Variants in LUZP2 observed in about 807,000 individuals in gnomAD.
LUZP2 encodes leucine zipper protein 2.
LUZP2 carries 52 observed loss-of-function variants against 51.6 expected under a neutral mutation model. That is an observed-to-expected ratio of 1.01 (90% CI 0.81 to 1.27). The LOEUF is 1.27. Ranked by LOEUF, LUZP2 falls within the 50% of genes most tolerant of loss-of-function variation. LUZP2 has a pLI of 0.00. For missense variants in LUZP2, 436 were observed against 395.4 expected (o/e 1.10, Z -0.87); for synonymous variants, 154 against 137.3 (o/e 1.12, Z -0.85).
chr11:25,067,119 A>G (rs1183860624), intron 10 of LUZP2, among the ~76,000 whole-genome samples: 1 of 151,994 alleles, frequency 6.6e-6, no homozygotes, highest in African/African-American at 2.4e-5. Context: ...GAAGTTAATT[A>G]TACTCTGATT....
At chr11:24,551,675 G>A (rs1590171101) in intron 1 of LUZP2, among the ~76,000 whole-genome samples, 1 of 151,902 alleles carries the variant, frequency 6.6e-6, no homozygotes, top group Admixed American at 6.6e-5. Context: ...CACAGTCATA[G>A]TAATTCATAA....
intron 1 of LUZP2, among the ~76,000 whole-genome samples, chr11:24,523,230 C>G (rs748504615): frequency 6.6e-6 from 1 of 151,754 alleles, no homozygotes; most frequent in Non-Finnish European, 1.5e-5. Flanking sequence ...TCTTTATATA[C>G]GATGCTTAAT....
At chr11:24,685,087 A>T (rs1856859289) in intron 1 of LUZP2, among the ~76,000 whole-genome samples, 1 of 149,926 alleles carries the variant, frequency 6.7e-6, no homozygotes, top group African/African-American at 2.5e-5. Context: ...AGTTTTCTCT[A>T]TGGGAGAGAG....
At chr11:24,636,988 G>A (rs1191301370) in intron 1 of LUZP2, among the ~76,000 whole-genome samples, 2 of 151,462 alleles carry the variant, frequency 1.3e-5, no homozygotes, top group Non-Finnish European at 2.9e-5. Flanking sequence ...AACTATCAGT[G>A]TTAAGGTGAT....
intron 10 of LUZP2, among the ~76,000 whole-genome samples, chr11:25,076,733 C>CTTT (rs59989545): frequency 1.4e-4 from 18 of 132,730 alleles, no homozygotes; most frequent in African/African-American, 4.6e-4. Flanking sequence ...AAGTGGAATC[C>CTTT]TTTTTTTTTT....
intron 9 of LUZP2, among the ~76,000 whole-genome samples, chr11:24,984,875 G>A (rs1452358999): frequency 6.6e-6 from 1 of 151,350 alleles, no homozygotes; most frequent in African/African-American, 2.4e-5. Flanking sequence ...ACAGCTGAGT[G>A]TTTACTACTC....
chr11:24,713,839 G>A (rs1254096987), intron 1 of LUZP2, among the ~76,000 whole-genome samples: 1 of 148,084 alleles, frequency 6.8e-6, no homozygotes, highest in Non-Finnish European at 1.5e-5. Flanking sequence ...TAGGCGTGCA[G>A]CACCATGCCT....
chr11:24,853,121 C>T lies in LUZP2; in HGVS notation c.397-52870C>T, dbSNP rs553648304. ...TGAATTTTATCCTGTCATTATGATG[C>T]TAGCTGATTATTTTGCCCATTAGTT... On this transcript the variant is annotated intron_variant, in intron 5 of 11. Transcript: ENST00000336930. Among the ~76,000 whole-genome samples the T allele has an allele frequency of 2.6e-5, 4 of 152,206 alleles. No homozygotes were observed. In the South Asian group the frequency reaches 8.3e-4, roughly 32 times the overall value.
intron 10 of LUZP2, among the ~76,000 whole-genome samples, chr11:25,072,816 C>T (rs1284869697): frequency 1.3e-5 from 2 of 150,064 alleles, no homozygotes; most frequent in East Asian, 2.4e-4. Context: ...TTGGATAAAT[C>T]TTTAAATATA....
chr11:24,853,487 T>C (rs904051352), intron 5 of LUZP2, among the ~76,000 whole-genome samples: 4 of 152,094 alleles, frequency 2.6e-5, no homozygotes, highest in African/African-American at 9.7e-5. Flanking sequence ...TTTATGTTCT[T>C]CTATAAATGG....
At chr11:24,723,874 A>T (rs537858964) in intron 1 of LUZP2, among the ~76,000 whole-genome samples, 4 of 152,288 alleles carry the variant, frequency 2.6e-5, no homozygotes, top group African/African-American at 7.2e-5. Flanking sequence ...AATAAAAATT[A>T]AACTTTGGGT....
intron 6 of LUZP2, among the ~76,000 whole-genome samples, chr11:24,911,289 G>T (rs1158333078): frequency 6.6e-6 from 1 of 152,138 alleles, no homozygotes; most frequent in Non-Finnish European, 1.5e-5. Context: ...TTGGGGGACT[G>T]TTGGAAGGAC....
At chr11:24,964,951 AG>A (rs1456275272) in intron 7 of LUZP2, among the ~76,000 whole-genome samples, 3 of 151,826 alleles carry the variant, frequency 2.0e-5, no homozygotes, top group East Asian at 1.9e-4. Context: ...AGTAAGTAAA[AG>A]TTTCAGACAT....
chr11:24,771,048 A>G (rs79812254), intron 5 of LUZP2, among the ~76,000 whole-genome samples: 12,212 of 152,194 alleles, frequency 0.08, 1,063 homozygotes, highest in African/African-American at 0.22. Flanking sequence ...TGCACAGATC[A>G]TGTCTGAATA....
At chr11:24,989,355 A>G (rs1322741777) in intron 9 of LUZP2, among the ~76,000 whole-genome samples, 1 of 152,064 alleles carries the variant, frequency 6.6e-6, no homozygotes, top group Admixed American at 6.6e-5. Flanking sequence ...AACAAATCTC[A>G]CATTCCTAAA....
chr11:24,631,532 G>A (rs781258868), intron 1 of LUZP2, among the ~76,000 whole-genome samples: 4 of 151,468 alleles, frequency 2.6e-5, no homozygotes, highest in African/African-American at 4.8e-5. Context: ...ATTGATTTAC[G>A]TATGTTGAAA....
intron 5 of LUZP2, among the ~76,000 whole-genome samples, chr11:24,784,952 A>G (rs1240856391): frequency 6.6e-6 from 1 of 152,070 alleles, no homozygotes; most frequent in East Asian, 1.9e-4. Flanking sequence ...ATTAGAATTC[A>G]CTTGGGATTA....
chr11:24,896,946 C>T (rs1384535499), intron 5 of LUZP2, among the ~76,000 whole-genome samples: 1 of 152,152 alleles, frequency 6.6e-6, no homozygotes, highest in Non-Finnish European at 1.5e-5. Flanking sequence ...CCAATCAGCA[C>T]TCTGTGTCTA....
At chr11:24,756,306 A>T (rs1033013683) in intron 4 of LUZP2, among the ~76,000 whole-genome samples, 4 of 152,228 alleles carry the variant, frequency 2.6e-5, no homozygotes, top group Non-Finnish European at 5.9e-5. Flanking sequence ...ACATGTTCTC[A>T]GGATCTCCTG....
Sources: gnomAD v4.1 joint callset for allele counts (sites outside exome capture counted in the v4.1 genomes callset) on GRCh38, gnomAD v4.1.1 for gene constraint, MANE v1.5 for transcripts, NCBI Gene and HGNC (gene_info 2026-07-23, HGNC 2026-07-21) for gene names.